MAST4: variants seen among roughly 807,000 people sequenced by gnomAD.
MAST4 encodes microtubule associated serine/threonine kinase family member 4, also known as microtubule-associated serine/threonine-protein kinase 4.
In MAST4, 89 loss-of-function variants were observed where a neutral mutation model predicts 162.7. The observed-to-expected ratio is 0.55, with a 90% confidence interval of 0.46 to 0.65. The LOEUF (loss-of-function observed/expected upper bound fraction) is 0.65, where lower values mean the gene tolerates loss of function less well. MAST4 is among the 30% of genes least tolerant of loss of function. The pLI is 0.00. For synonymous variants in MAST4, 1,479 were observed against 1,361.1 expected, an observed-to-expected ratio of 1.09 and a Z score of -1.91; for missense variants, 3,153 against 3,374.0, an observed-to-expected ratio of 0.93 and a Z score of 1.62.
In MAST4 at chr5:67,166,923, G is replaced by C. The variant is rs1774093704; in HGVS notation, c.7744G>C (p.Val2582Leu). 2 of 1,611,676 alleles carry C rather than the reference G, an allele frequency of 1.2e-6. No individual in the cohort carries two copies. The highest frequency in any genetic ancestry group is 1.7e-6 in the Non-Finnish European group (2 of 1,179,322). The part of the protein sequence containing the change: ...PARKQNVGRD[V>L]TKPSPAPNTD... ...TAGGAAACAGAACGTGGGCAGAGAC[G>C]TGACCAAGCCATCCCCAGCCCCAAA... Residue 2582 changes from valine to leucine, a missense_variant, in exon 29 of 29, where the codon GTG becomes CTG. Around this residue, in one of 7 missense-constraint regions of MAST4, gnomAD observed 1,644 missense variants for 1,495.0 expected, o/e 1.10. Transcript: ENST00000403625.
In MAST4 at chr5:66,651,519, A is replaced by G. The variant is rs143961601; in HGVS notation, c.363+54501A>G. 6.7e-4 allele frequency among the ~76,000 whole-genome samples: 102 copies of G among 152,238 alleles called. 2 individuals carry two copies. The East Asian group carries it at 0.018, about 27-fold the overall frequency. On this transcript the variant is annotated intron_variant, in intron 1 of 28. Transcript: ENST00000403625. ...CACTTCTAATTTGGGACAGCAACCA[A>G]TAGTGATTGTTACCATTGGCAACTT... is the stretch of plus-strand genomic sequence containing the variant.
intron 4 of MAST4, among the ~76,000 whole-genome samples, chr5:67,007,861 T>A (rs1398666587): frequency 1.3e-5 from 2 of 152,218 alleles, no homozygotes; most frequent in Non-Finnish European, 2.9e-5. Flanking sequence ...TGCCTGTAAC[T>A]CTTGGGGTTC....
intron 1 of MAST4, among the ~76,000 whole-genome samples, chr5:66,737,759 C>T (rs1236612687): frequency 1.3e-5 from 2 of 152,146 alleles, no homozygotes; most frequent in Non-Finnish European, 2.9e-5. Flanking sequence ...ATTGATCACT[C>T]CTTACAGCAT....
chr5:67,045,369 C>G (rs1293629573), intron 4 of MAST4, among the ~76,000 whole-genome samples: 2 of 152,292 alleles, frequency 1.3e-5, no homozygotes, highest in East Asian at 3.9e-4. Flanking sequence ...ATGACACGTG[C>G]TAATACTATG....
chr5:67,144,897 C>T, intron 22 of MAST4, 101 bp downstream of exon 22: 1 of 1,358,304 alleles, frequency 7.4e-7, no homozygotes, highest in Non-Finnish European at 1.0e-6. Flanking sequence ...TGTTAAAACA[C>T]AGATCTCCCA....
At chr5:66,725,246 G>A (rs144804828) in intron 1 of MAST4, among the ~76,000 whole-genome samples, 27 of 151,840 alleles carry the variant, frequency 1.8e-4, no homozygotes, top group African/African-American at 6.0e-4. Context: ...TGTAAGTATT[G>A]TTTACAAATT....
chr5:66,985,478 A>G (rs1343493418), intron 4 of MAST4, among the ~76,000 whole-genome samples: 2 of 152,206 alleles, frequency 1.3e-5, no homozygotes, highest in African/African-American at 4.8e-5. Context: ...AAGGTACGGA[A>G]GAACTTTCCT....
chr5:66,776,736 A>C (rs772559493), intron 2 of MAST4, among the ~76,000 whole-genome samples: 1 of 152,242 alleles, frequency 6.6e-6, no homozygotes, highest in Non-Finnish European at 1.5e-5. Context: ...TGTGTTTCAC[A>C]TGCAGGATAT....
At chr5:67,006,996 G>A (rs1453057499) in intron 4 of MAST4, among the ~76,000 whole-genome samples, 2 of 152,168 alleles carry the variant, frequency 1.3e-5, no homozygotes, top group Non-Finnish European at 2.9e-5. Flanking sequence ...AGGTTTTGCA[G>A]TTTGGAAATA....
intron 14 of MAST4, among the ~76,000 whole-genome samples, chr5:67,121,790 G>A (rs1349096369): frequency 1.3e-5 from 2 of 152,092 alleles, no homozygotes; most frequent in African/African-American, 4.8e-5. Flanking sequence ...CTGCGGGTTG[G>A]ATAAGTGTGA....
intron 4 of MAST4, among the ~76,000 whole-genome samples, chr5:66,947,094 A>T (rs1180930571): frequency 6.6e-6 from 1 of 152,134 alleles, no homozygotes; most frequent in African/African-American, 2.4e-5. Context: ...TATGTGAGTA[A>T]ATTCTCTTAG....
At chr5:66,984,256 G>A (rs1160849254) in intron 4 of MAST4, among the ~76,000 whole-genome samples, 1 of 152,170 alleles carries the variant, frequency 6.6e-6, no homozygotes, top group Non-Finnish European at 1.5e-5. Context: ...GAAGGCAACA[G>A]CCATGAGAAA....
chr5:66,756,312 G>T (rs146490653), intron 1 of MAST4, among the ~76,000 whole-genome samples: 2 of 152,208 alleles, frequency 1.3e-5, no homozygotes, highest in African/African-American at 4.8e-5. Flanking sequence ...ACATATTGCT[G>T]TTTCAATGCA....
At chr5:66,821,848 G>A (rs923841601) in intron 3 of MAST4, among the ~76,000 whole-genome samples, 3 of 152,154 alleles carry the variant, frequency 2.0e-5, no homozygotes, top group African/African-American at 7.2e-5. Context: ...CTGAGCAGCT[G>A]TGTGAAGCAG....
chr5:66,596,618 C>T lies in MAST4; in HGVS notation c.-38C>T. The T allele has an allele frequency of 7.2e-7, 1 of 1,396,508 alleles. No homozygotes were observed. The highest frequency in any genetic ancestry group is 1.5e-5 in the African/African-American group (1 of 67,070). The allele number at this position is 1,396,508 out of a possible 1,614,324, so 86.5% of individuals were successfully genotyped here. ...GGGAGGCGCTGAGTGCGCGCCGCGCCCCCGCCGCTCGGGAGGCACTTTGGG... is the reference window on the plus strand; with the variant it reads ...GGGAGGCGCTGAGTGCGCGCCGCGCTCCCGCCGCTCGGGAGGCACTTTGGG... On this transcript the variant is annotated 5_prime_UTR_variant, in exon 1 of 29. Transcript: ENST00000403625.
chr5:67,082,051 A>G (rs1375591524), intron 5 of MAST4, among the ~76,000 whole-genome samples: 7 of 152,070 alleles, frequency 4.6e-5, no homozygotes, highest in Middle Eastern at 3.4e-3. Context: ...CTTACATGAT[A>G]TTGCTCCCCC....
chr5:66,867,710 C>T (rs1561397101), intron 3 of MAST4, among the ~76,000 whole-genome samples: 9 of 152,206 alleles, frequency 5.9e-5, no homozygotes, highest in African/African-American at 2.2e-4. Context: ...TCCTTTTTCA[C>T]AAAACTAATG....
chr5:67,019,091 A>C (rs755444164), intron 4 of MAST4, among the ~76,000 whole-genome samples: 7 of 152,194 alleles, frequency 4.6e-5, no homozygotes, highest in African/African-American at 1.7e-4. Flanking sequence ...TTTTCCCTTA[A>C]TAAGATTCTT....
At chr5:66,795,109 C>T (rs1040046126) in intron 3 of MAST4, among the ~76,000 whole-genome samples, 3 of 152,036 alleles carry the variant, frequency 2.0e-5, no homozygotes, top group East Asian at 1.9e-4. Flanking sequence ...AAACCTGATC[C>T]GAAGTCTAAT....
Sources: allele counts gnomAD v4.1 joint callset (sites outside exome capture counted in the v4.1 genomes callset), GRCh38; gene constraint gnomAD v4.1.1; regional missense constraint gnomAD v4.1.1; transcripts MANE v1.5; gene names NCBI Gene and HGNC (gene_info 2026-07-23, HGNC 2026-07-21).